HNF4A: variants seen among roughly 807,000 people sequenced by gnomAD.
The protein encoded by HNF4A is hepatocyte nuclear factor 4-alpha.
Under a neutral mutation model 52.4 loss-of-function variants are expected in HNF4A, and 15 were observed. The observed-to-expected ratio is 0.29, with a 90% CI of 0.19 to 0.44. HNF4A has a LOEUF of 0.44. Among genes scored for constraint, HNF4A ranks in the 20% least tolerant of loss-of-function variants. The pLI, the probability that HNF4A is intolerant of heterozygous loss-of-function variation, is 1.00. For missense variants in HNF4A, 479 were observed against 647.2 expected, an observed-to-expected ratio of 0.74 and a Z score of 2.82; for synonymous variants, 280 against 264.4, an observed-to-expected ratio of 1.06 and a Z score of -0.57.
intron 1 of HNF4A, chr20:44,377,806 C>T (rs544764732): frequency 6.6e-6 from 1 of 152,352 alleles, no homozygotes; most frequent in Non-Finnish European, 1.5e-5. Context: ...TGGAGTCTCA[C>T]TCTGTTACTC....
intron 1 of HNF4A, among the ~76,000 whole-genome samples, chr20:44,384,050 C>T (rs2063189001): frequency 6.6e-6 from 1 of 151,762 alleles, no homozygotes; most frequent in Non-Finnish European, 1.5e-5. Flanking sequence ...GGGGTTTCCT[C>T]ATATTGGTCA....
intron 6 of HNF4A, 58 bp from the exon 7 acceptor site, chr20:44,419,663 G>A: frequency 6.4e-7 from 1 of 1,568,096 alleles, no homozygotes; most frequent in African/African-American, 1.3e-5. Flanking sequence ...GCCAAAACTA[G>A]AGGAGAGGGG....
chr20:44,410,472 C>T (rs567853445), intron 3 of HNF4A, among the ~76,000 whole-genome samples: 30 of 151,992 alleles, frequency 2.0e-4, no homozygotes, highest in Non-Finnish European at 3.8e-4. Flanking sequence ...CTAGCTGTGC[C>T]TGTCTTCTAG....
intron 1 of HNF4A, among the ~76,000 whole-genome samples, chr20:44,402,054 G>A (rs747331354): frequency 1.3e-5 from 2 of 152,120 alleles, no homozygotes; most frequent in Non-Finnish European, 2.9e-5. Flanking sequence ...TTGTGTGTGC[G>A]TTCGTGTGTG....
At chr20:44,361,712 A>G (rs1327628300) in intron 1 of HNF4A, among the ~76,000 whole-genome samples, 3 of 146,096 alleles carry the variant, frequency 2.1e-5, no homozygotes, top group Non-Finnish European at 3.1e-5. Flanking sequence ...ACCAAAAAAA[A>G]ACAACAAAAA....
downstream of HNF4A, chr20:44,433,234 G>A (rs943644461): frequency 1.3e-5 from 2 of 152,202 alleles, no homozygotes; most frequent in African/African-American, 4.8e-5. Flanking sequence ...ATGGCAAGAG[G>A]GTCCAAGGGT....
intron 1 of HNF4A, among the ~76,000 whole-genome samples, chr20:44,374,368 CT>C: frequency 6.6e-6 from 1 of 152,132 alleles, no homozygotes; most frequent in Admixed American, 6.5e-5. Flanking sequence ...GTTTTGTTCC[CT>C]TTTATGGCTG....
chr20:44,425,077 G>A (rs2063799825), intron 8 of HNF4A, among the ~76,000 whole-genome samples: 1 of 152,200 alleles, frequency 6.6e-6, no homozygotes, highest in Non-Finnish European at 1.5e-5. Context: ...CACCTCCCGA[G>A]TTCAAGCAAT....
At chr20:44,423,799 T>G (rs2063780027) in intron 7 of HNF4A, among the ~76,000 whole-genome samples, 1 of 152,194 alleles carries the variant, frequency 6.6e-6, no homozygotes, top group Non-Finnish European at 1.5e-5. Flanking sequence ...CTCTTCTGGT[T>G]TAGTGCTTTA....
chr20:44,390,772 G>T, intron 1 of HNF4A: 1 of 663,512 alleles, frequency 1.5e-6, no homozygotes, highest in Admixed American at 2.2e-5. Flanking sequence ...ACTGGGAGCA[G>T]TGTGGAGGAT....
chr20:44,390,308 G>T (rs567629883), intron 1 of HNF4A: 1 of 321,316 alleles, frequency 3.1e-6, no homozygotes, highest in Non-Finnish European at 5.7e-6. Context: ...AAGAGTTATG[G>T]TTTTTTCCAA....
At chr20:44,382,725 G>A (rs1361438926) in intron 1 of HNF4A, among the ~76,000 whole-genome samples, 1 of 152,106 alleles carries the variant, frequency 6.6e-6, no homozygotes, top group Non-Finnish European at 1.5e-5. Context: ...TTAGAGGTTT[G>A]GGCAGCTGCC....
Position 44,424,538 on chromosome 20 carries a change from AGTAT to A in HNF4A, c.1129+290_1129+293del, listed in dbSNP as rs768894980. The A allele has an allele frequency of 1.8e-5, 19 of 1,065,712 alleles. 1 individual carries two copies. The highest frequency in any genetic ancestry group is 1.3e-4 in the East Asian group (5 of 38,702). 66.0% of individuals were successfully genotyped at this position (1,065,712 alleles called of 1,614,324 possible). ...CCCTCGGGGAGGCTGTGTGTGTGTGAGTATGTATGGATGCGTGGATATCTGTGTA... is the reference window on the plus strand; with the variant it reads ...CCCTCGGGGAGGCTGTGTGTGTGTGAGTATGGATGCGTGGATATCTGTGTA... On this transcript the variant is annotated intron_variant, in intron 8 of 9. Transcript: ENST00000316099.
chr20:44,378,625 C>T (rs138244612), intron 1 of HNF4A, among the ~76,000 whole-genome samples: 151 of 152,170 alleles, frequency 9.9e-4, no homozygotes, highest in African/African-American at 3.4e-3. Context: ...GTAATACAAC[C>T]ATCAGCACCA....
chr20:44,390,718 G>T, intron 1 of HNF4A: 1 of 698,826 alleles, frequency 1.4e-6, no homozygotes, highest in South Asian at 1.5e-5. Flanking sequence ...AAGGAAGGAT[G>T]GGATGGTAGG....
intron 1 of HNF4A, among the ~76,000 whole-genome samples, chr20:44,377,490 C>T (rs538025757): frequency 9.9e-5 from 15 of 152,078 alleles, no homozygotes; most frequent in Admixed American, 6.5e-4. Flanking sequence ...CAGCCGGGCG[C>T]GGTAGCTCAT....
At chr20:44,362,049 C>T (rs2062922797) in intron 1 of HNF4A, among the ~76,000 whole-genome samples, 1 of 152,156 alleles carries the variant, frequency 6.6e-6, no homozygotes, top group African/African-American at 2.4e-5. Flanking sequence ...CAATTAATTC[C>T]ATCCTTTACT....
rs6130596 is a variant in HNF4A, at chr20:44,363,152, G to T, written c.49+7299G>T. ...ATTACAGGCCTGAGCCACTGCGCCC[G>T]GCCGACCCAATCTTTTTTGCCTCAG... is the stretch of plus-strand genomic sequence containing the variant. On this transcript the variant is annotated intron_variant, in intron 1 of 9. Transcript: ENST00000316673. 7.9e-5 allele frequency among the ~76,000 whole-genome samples: 12 copies of T among 152,078 alleles called. No individual in the cohort carries two copies. In the East Asian group the frequency reaches 2.3e-3, roughly 29 times the overall value.
At chr20:44,401,654 G>A in intron 1 of HNF4A, 1 of 426,906 alleles carries the variant, frequency 2.3e-6, no homozygotes, top group Non-Finnish European at 3.1e-6. Context: ...ATGTGCCCAG[G>A]CACAGTGATC....
Sources: gnomAD v4.1 joint callset for allele counts (sites outside exome capture counted in the v4.1 genomes callset) on GRCh38, gnomAD v4.1.1 for gene constraint, MANE v1.5 for transcripts, NCBI Gene and HGNC (gene_info 2026-07-23, HGNC 2026-07-21) for gene names.